NELL1: variants seen among roughly 807,000 people sequenced by gnomAD.
The protein encoded by NELL1 is protein kinase C-binding protein NELL1.
NELL1 carries 76 observed loss-of-function variants against 107.4 expected under a neutral mutation model. The ratio of observed to expected loss-of-function variants is 0.71; its 90% CI spans 0.59 to 0.86. NELL1 has a LOEUF of 0.86. NELL1 is among the 40% of genes least tolerant of loss of function. The pLI is 0.00. For missense variants in NELL1, 1,024 were observed against 1,005.5 expected (o/e 1.02, Z -0.25); for synonymous variants, 353 against 341.2 (o/e 1.03, Z -0.38).
In NELL1 at chr11:21,000,266, A is replaced by AC; in HGVS notation, c.1300+39706_1300+39707insC. On this transcript the variant is annotated intron_variant, in intron 12 of 19. Coordinates refer to ENST00000357134, the MANE Select transcript of NELL1 (RefSeq NM_006157.5). ...TGTACCCTAAAACTTAAAGTATAAT[A>AC]AAAAAAAAAAGAATCTTAATCCAGT... 2.5e-5 allele frequency among the ~76,000 whole-genome samples: 2 copies of AC among 81,168 alleles called. 1 individual carries two copies. Among genetic ancestry groups the AC allele is most frequent in the Middle Eastern group, 0.015 (2 of 136 alleles). 53.2% of individuals were successfully genotyped at this position (81,168 alleles called of 152,430 possible).
intron 9 of NELL1, among the ~76,000 whole-genome samples, chr11:20,932,797 C>T (rs1850645685): frequency 6.6e-6 from 1 of 152,186 alleles, no homozygotes; most frequent in Non-Finnish European, 1.5e-5. Context: ...TGGCTCTAAC[C>T]ATTGTTCTCC....
intron 12 of NELL1, among the ~76,000 whole-genome samples, chr11:21,099,529 C>G (rs1854751477): frequency 6.6e-6 from 1 of 152,102 alleles, no homozygotes; most frequent in Non-Finnish European, 1.5e-5. Context: ...CCAAGGCTGG[C>G]TAGCAAAGCC....
chr11:21,267,845 G>A (rs750528408), intron 14 of NELL1, among the ~76,000 whole-genome samples: 1 of 152,070 alleles, frequency 6.6e-6, no homozygotes. Context: ...CTGACTTAAA[G>A]TTTATTTTAT....
chr11:21,273,237 T>C (rs1306653250), intron 14 of NELL1, among the ~76,000 whole-genome samples: 1 of 152,038 alleles, frequency 6.6e-6, no homozygotes, highest in Non-Finnish European at 1.5e-5. Context: ...AACCAAGGCA[T>C]GCGAACTACG....
intron 16 of NELL1, among the ~76,000 whole-genome samples, chr11:21,546,402 G>A (rs932329566): frequency 6.6e-6 from 1 of 151,924 alleles, no homozygotes; most frequent in African/African-American, 2.4e-5. Flanking sequence ...GCAATTCAGA[G>A]ATCATCATTG....
At chr11:20,784,281 T>C (rs1317925706) in intron 3 of NELL1, among the ~76,000 whole-genome samples, 2 of 152,182 alleles carry the variant, frequency 1.3e-5, no homozygotes, top group Non-Finnish European at 2.9e-5. Context: ...GAAGATGCAA[T>C]GCCAGAAGGT....
chr11:20,707,487 C>T (rs4512814), intron 2 of NELL1, among the ~76,000 whole-genome samples: 2,263 of 152,310 alleles, frequency 0.015, 54 homozygotes, highest in African/African-American at 0.052. Flanking sequence ...TGGTTTCTCT[C>T]CATCTTTGTG....
chr11:21,532,204 C>T (rs1032111168), intron 15 of NELL1, among the ~76,000 whole-genome samples: 2 of 152,108 alleles, frequency 1.3e-5, no homozygotes, highest in Admixed American at 6.6e-5. Context: ...CCAGGGATTC[C>T]CTAGTGTCCC....
intron 3 of NELL1, among the ~76,000 whole-genome samples, chr11:20,810,515 C>T (rs896086216): frequency 6.6e-6 from 1 of 152,310 alleles, no homozygotes; most frequent in African/African-American, 2.4e-5. Flanking sequence ...TAATAGTCTC[C>T]AATCTCATCC....
chr11:20,808,116 A>G (rs1282243880), intron 3 of NELL1, among the ~76,000 whole-genome samples: 2 of 152,186 alleles, frequency 1.3e-5, no homozygotes, highest in Admixed American at 6.5e-5. Flanking sequence ...CTCAAGTAGT[A>G]GGAGTCTCTC....
chr11:21,312,246 G>A (rs1050478166), intron 14 of NELL1, among the ~76,000 whole-genome samples: 7 of 152,208 alleles, frequency 4.6e-5, no homozygotes, highest in African/African-American at 1.4e-4. Flanking sequence ...GAGTTAGAGC[G>A]TGGGTATGAA....
At chr11:20,923,229 A>G (rs1237813232) in intron 7 of NELL1, among the ~76,000 whole-genome samples, 1 of 152,128 alleles carries the variant, frequency 6.6e-6, no homozygotes, top group Non-Finnish European at 1.5e-5. Flanking sequence ...AGATGTAGAT[A>G]CCAGATCAGC....
chr11:21,430,832 A>G (rs934268006), intron 15 of NELL1, among the ~76,000 whole-genome samples: 1 of 152,126 alleles, frequency 6.6e-6, no homozygotes, highest in African/African-American at 2.4e-5. Flanking sequence ...TTTGTGTTTT[A>G]CTAACTGTCA....
intron 4 of NELL1, among the ~76,000 whole-genome samples, chr11:20,848,301 C>T (rs1388271243): frequency 1.3e-5 from 2 of 152,136 alleles, no homozygotes; most frequent in African/African-American, 2.4e-5. Context: ...ATGAGCCTTC[C>T]AGCTTGTCAG....
intron 14 of NELL1, among the ~76,000 whole-genome samples, chr11:21,294,086 TAATAA>T (rs2133963778): frequency 6.6e-6 from 1 of 152,112 alleles, no homozygotes; most frequent in African/African-American, 2.4e-5. Context: ...TTTAAAAAAG[TAATAA>T]AATGAAGTAT....
intron 3 of NELL1, among the ~76,000 whole-genome samples, chr11:20,846,332 G>A (rs548442286): frequency 2.0e-5 from 3 of 152,170 alleles, no homozygotes; most frequent in South Asian, 2.1e-4. Flanking sequence ...CACAATAGAC[G>A]CTGAGTTTCC....
chr11:21,389,999 A>G (rs1034520036), intron 15 of NELL1, among the ~76,000 whole-genome samples: 7 of 151,836 alleles, frequency 4.6e-5, no homozygotes, highest in African/African-American at 1.2e-4. Context: ...CAAAGTTGTT[A>G]TACCCATTTA....
chr11:21,083,329 G>T (rs931316182), intron 12 of NELL1, among the ~76,000 whole-genome samples: 5 of 152,120 alleles, frequency 3.3e-5, no homozygotes, highest in African/African-American at 1.2e-4. Context: ...GGGGTGTTTT[G>T]CCCAGTCAAG....
intron 12 of NELL1, among the ~76,000 whole-genome samples, chr11:20,990,624 C>T (rs1268603389): frequency 6.6e-6 from 1 of 152,168 alleles, no homozygotes; most frequent in Non-Finnish European, 1.5e-5. Flanking sequence ...CTTGCTGGCA[C>T]CTCCAATCTC....
Sources: allele counts gnomAD v4.1 joint callset (sites outside exome capture counted in the v4.1 genomes callset), GRCh38; gene constraint gnomAD v4.1.1; transcripts MANE v1.5; gene names NCBI Gene and HGNC (gene_info 2026-07-23, HGNC 2026-07-21).